The following LHFPL3 variants were observed in gnomAD, a reference collection of about 807,000 sequenced individuals.
LHFPL3 encodes the protein LHFPL tetraspan subfamily member 3.
LHFPL3 carries 5 observed loss-of-function variants against 19.3 expected under a neutral mutation model. The observed-to-expected ratio is 0.26, with a 90% CI of 0.14 to 0.54. The LOEUF (loss-of-function observed/expected upper bound fraction) is 0.54, where lower values mean the gene tolerates loss of function less well. LHFPL3 is among the 20% of genes least tolerant of loss of function. The pLI is 0.94. For synonymous variants in LHFPL3, 133 were observed against 126.2 expected (o/e 1.05, Z -0.36); for missense variants, 249 against 307.4 (o/e 0.81, Z 1.42).
chr7:104,544,427 G>A (rs1584391935), intron 1 of LHFPL3, among the ~76,000 whole-genome samples: 1 of 152,176 alleles, frequency 6.6e-6, no homozygotes, highest in South Asian at 2.1e-4. Context: ...CCTTCACAAA[G>A]ACAAAAATTT....
chr7:104,502,052 C>T (rs10258682), intron 1 of LHFPL3, among the ~76,000 whole-genome samples: 1 of 152,062 alleles, frequency 6.6e-6, no homozygotes, highest in Non-Finnish European at 1.5e-5. Context: ...CCTGAAGATA[C>T]CTACAAGAAA....
At chr7:104,645,809 C>T (rs1338153746) in intron 1 of LHFPL3, among the ~76,000 whole-genome samples, 6 of 151,550 alleles carry the variant, frequency 4.0e-5, no homozygotes, top group East Asian at 1.9e-4. Flanking sequence ...TACAGGCGCC[C>T]GCCACCACAC....
intron 1 of LHFPL3, among the ~76,000 whole-genome samples, chr7:104,445,736 G>A (rs1017669731): frequency 8.5e-5 from 13 of 152,134 alleles, no homozygotes; most frequent in East Asian, 3.9e-4. Flanking sequence ...TTGAAGATAC[G>A]CAACTAAGGA....
rs1361749453 is a variant in LHFPL3 at position 104,525,606 on chromosome 7, G to GTT, written c.445+196399_445+196400dup. On this transcript the variant is annotated intron_variant, in intron 1 of 2. Coordinates refer to ENST00000424859, the MANE Select transcript of LHFPL3 (RefSeq NM_199000.3). ...TCTTCTTGGTTTTTTTGTTTTTTGG[G>GTT]TTTTTTTTTTTTTTTTTTGAGATGG... 3.9e-3 allele frequency among the ~76,000 whole-genome samples: 442 copies of GTT among 111,966 alleles called. 5 individuals carry two copies. Among genetic ancestry groups the GTT allele is most frequent in the African/African-American group, 0.014 (397 of 29,388 alleles). The allele number at this position is 111,966 out of a possible 152,430, so 73.5% of individuals were successfully genotyped here.
chr7:104,589,710 T>C (rs1049925032), intron 1 of LHFPL3, among the ~76,000 whole-genome samples: 1 of 152,230 alleles, frequency 6.6e-6, no homozygotes, highest in Non-Finnish European at 1.5e-5. Flanking sequence ...TTTGTACCTC[T>C]GGTAGAATTC....
rs2116099514 is a variant in LHFPL3, at chr7:104,683,174, G to C, written c.446-53501G>C. On this transcript the variant is annotated intron_variant, in intron 1 of 2. Coordinates refer to ENST00000424859, the MANE Select transcript of LHFPL3 (RefSeq NM_199000.3). ...TCAGCTGATTTTTGTATTTTTAGTAGAGACGAGGTTTCACCATGTTGGCCA... is the reference window on the plus strand; with the variant it reads ...TCAGCTGATTTTTGTATTTTTAGTACAGACGAGGTTTCACCATGTTGGCCA... Among the ~76,000 whole-genome samples the C allele has an allele frequency of 2.0e-5, 3 of 152,250 alleles. No individual in the cohort carries two copies. The Middle Eastern group carries it at 0.01, about 518-fold the overall frequency.
At position 104,328,876 on chromosome 7, in the gene LHFPL3, T is replaced by A; in HGVS notation, c.97T>A (p.Ser33Thr). The A allele has an allele frequency of 1.2e-6, 2 of 1,614,176 alleles. No homozygotes were observed. The highest frequency in any genetic ancestry group is 1.7e-6 in the Non-Finnish European group (2 of 1,180,028). Reference sequence around the variant, plus strand: ...GTACCACACCAACTATGTGCGGAACTCGCGGGCCATCGGCGTGCTGTGGGC... The same window carrying A: ...GTACCACACCAACTATGTGCGGAACACGCGGGCCATCGGCGTGCTGTGGGC... ...KLYHTNYVRNSRAIGVLWAIF... is the reference protein window; with the variant it reads ...KLYHTNYVRNTRAIGVLWAIF... Residue 33 changes from serine (S) to threonine (T), a missense_variant, in exon 1 of 3, where the codon TCG becomes ACG. Ser to Thr is a moderately conservative substitution (Grantham distance 58). Transcript: ENST00000424859. The surrounding 1 kb of genome is among the most constrained non-coding windows in gnomAD (Gnocchi z 4.6).
intron 1 of LHFPL3, among the ~76,000 whole-genome samples, chr7:104,677,365 TAA>T (rs57490869): frequency 1.4e-5 from 2 of 143,542 alleles, no homozygotes; most frequent in African/African-American, 2.6e-5. Context: ...CCAGTCTTCT[TAA>T]AAAAAAAAAA....
intron 1 of LHFPL3, among the ~76,000 whole-genome samples, chr7:104,591,896 C>T (rs973223904): frequency 6.6e-6 from 1 of 152,202 alleles, no homozygotes; most frequent in African/African-American, 2.4e-5. Flanking sequence ...CTTTCTTCCA[C>T]TTGATCAAAT....
At chr7:104,354,059 TA>T (rs966249044) in intron 1 of LHFPL3, among the ~76,000 whole-genome samples, 13 of 151,922 alleles carry the variant, frequency 8.6e-5, no homozygotes, top group Admixed American at 1.3e-4. Flanking sequence ...TGGATTCTTG[TA>T]AAAAAAAATC....
chr7:104,566,055 C>T (rs1423941560), intron 1 of LHFPL3, among the ~76,000 whole-genome samples: 1 of 152,034 alleles, frequency 6.6e-6, no homozygotes, highest in African/African-American at 2.4e-5. Flanking sequence ...ACTCGGAACT[C>T]ACCTTCTCAT....
intron 2 of LHFPL3, among the ~76,000 whole-genome samples, chr7:104,826,959 G>C (rs1242027029): frequency 3.3e-5 from 5 of 151,952 alleles, no homozygotes; most frequent in Non-Finnish European, 7.4e-5. Context: ...TCATGCAAAG[G>C]ATACCCTTGT....
intron 1 of LHFPL3, among the ~76,000 whole-genome samples, chr7:104,731,512 C>T (rs1473078785): frequency 4.3e-4 from 66 of 152,038 alleles, no homozygotes; most frequent in African/African-American, 1.4e-3. Flanking sequence ...ACTCATGATT[C>T]GGCTCTATGT....
intron 1 of LHFPL3, among the ~76,000 whole-genome samples, chr7:104,460,631 C>G (rs1326724379): frequency 6.6e-6 from 1 of 151,930 alleles, no homozygotes; most frequent in African/African-American, 2.4e-5. Flanking sequence ...ATGATTGTTG[C>G]CCACATGTAT....
intron 2 of LHFPL3, among the ~76,000 whole-genome samples, chr7:104,740,164 T>A (rs947452839): frequency 6.6e-6 from 1 of 152,162 alleles, no homozygotes. Flanking sequence ...TCCACCATGA[T>A]TGTAAGTTTC....
intron 1 of LHFPL3, among the ~76,000 whole-genome samples, chr7:104,378,020 CAAAA>C (rs1003497365): frequency 9.9e-5 from 15 of 152,020 alleles, no homozygotes; most frequent in Admixed American, 9.8e-4. Context: ...AAACAAAAAA[CAAAA>C]AACAGCTCTC....
At chr7:104,898,078 C>T (rs896896980) in intron 2 of LHFPL3, among the ~76,000 whole-genome samples, 5 of 144,588 alleles carry the variant, frequency 3.5e-5, no homozygotes, top group East Asian at 4.0e-4. Flanking sequence ...GGCACCATCT[C>T]GGCTCACTGC....
At chr7:104,489,122 G>A (rs1164045797) in intron 1 of LHFPL3, among the ~76,000 whole-genome samples, 3 of 84,462 alleles carry the variant, frequency 3.6e-5, no homozygotes, top group East Asian at 2.9e-4. Flanking sequence ...TCGCTCTGTC[G>A]CCCAGGCTGG....
At chr7:104,352,127 C>T (rs745633135) in intron 1 of LHFPL3, among the ~76,000 whole-genome samples, 6 of 150,902 alleles carry the variant, frequency 4.0e-5, no homozygotes, top group Non-Finnish European at 8.8e-5. Context: ...ATTTCACCAC[C>T]GCACTCCAGC....
Sources: allele counts gnomAD v4.1 joint callset (sites outside exome capture counted in the v4.1 genomes callset), GRCh38; gene constraint gnomAD v4.1.1; non-coding constraint Gnocchi (gnomAD v3.1); transcripts MANE v1.5; gene names NCBI Gene and HGNC (gene_info 2026-07-23, HGNC 2026-07-21).